Variants in GABRB2 observed in about 807,000 individuals in gnomAD.
GABRB2 encodes gamma-aminobutyric acid type A receptor subunit beta2.
A neutral mutation model predicts 54.7 loss-of-function variants in GABRB2; 16 were observed. The ratio of observed to expected loss-of-function variants is 0.29; its 90% CI spans 0.20 to 0.44. GABRB2 has a LOEUF of 0.44. GABRB2 is among the 20% of genes least tolerant of loss of function. The pLI, the probability that GABRB2 is intolerant of heterozygous loss-of-function variation, is 1.00. For missense variants in GABRB2, 355 were observed against 644.0 expected, an observed-to-expected ratio of 0.55 and a Z score of 4.86; for synonymous variants, 244 against 233.8, an observed-to-expected ratio of 1.04 and a Z score of -0.40.
In GABRB2 at chr5:161,490,788, C is replaced by T. The variant is rs572359754; in HGVS notation, c.238-30944G>A. 1.2e-4 allele frequency among the ~76,000 whole-genome samples: 18 copies of T among 151,846 alleles called. No homozygotes were observed. In the South Asian group the frequency reaches 2.9e-3, roughly 25 times the overall value. ...AGTGCCTCCTGGTGAACATTTTCTTCAAAACATTCTCTCAAACTATGCTTC... is the reference window on the plus strand; with the variant it reads ...AGTGCCTCCTGGTGAACATTTTCTTTAAAACATTCTCTCAAACTATGCTTC... On this transcript the variant is annotated intron_variant, in intron 3 of 9. Coordinates refer to ENST00000393959, the MANE Select transcript of GABRB2 (RefSeq NM_001371727.1).
rs1757180911 is a variant in GABRB2, at chr5:161,289,575, A to G, written c.*4506T>C. 2.0e-5 allele frequency: 3 copies of G among 152,078 alleles called. No homozygotes were observed. The highest frequency in any genetic ancestry group is 7.2e-5 in the African/African-American group (3 of 41,398). 9.4% of individuals were successfully genotyped at this position (152,078 alleles called of 1,614,324 possible). A position where few individuals can be genotyped will look rare whatever the true frequency, so the allele number is the denominator to read the frequency against. Reference sequence around the variant, plus strand: ...TGTAGTGCCATCTATACAAACTTTTACTGTTTGAAAACTGAGATTTAAGTT... The same window carrying G: ...TGTAGTGCCATCTATACAAACTTTTGCTGTTTGAAAACTGAGATTTAAGTT... On this transcript the variant is annotated 3_prime_UTR_variant, in exon 10 of 10. Coordinates refer to ENST00000393959, the MANE Select transcript of GABRB2 (RefSeq NM_001371727.1).
intron 5 of GABRB2, among the ~76,000 whole-genome samples, chr5:161,348,315 ATAAC>A (rs1263255467): frequency 6.6e-6 from 1 of 152,110 alleles, no homozygotes; most frequent in Non-Finnish European, 1.5e-5. Context: ...TTTATGAAGA[ATAAC>A]TATATTTTCT....
At chr5:161,347,878 TTTAC>T (rs1754364204) in intron 5 of GABRB2, among the ~76,000 whole-genome samples, 2 of 152,124 alleles carry the variant, frequency 1.3e-5, no homozygotes, top group African/African-American at 4.8e-5. Flanking sequence ...CATTGAATGA[TTTAC>T]ACATCTTTAG....
chr5:161,419,571 A>G (rs911915611), intron 4 of GABRB2, among the ~76,000 whole-genome samples: 1 of 152,260 alleles, frequency 6.6e-6, no homozygotes, highest in South Asian at 2.1e-4. Flanking sequence ...GTGTCCATCA[A>G]CAAATGACTG....
chr5:161,439,417 G>GA (rs984959071), intron 4 of GABRB2, among the ~76,000 whole-genome samples: 5 of 151,780 alleles, frequency 3.3e-5, no homozygotes, highest in East Asian at 1.9e-4. Flanking sequence ...ACTTCCATCA[G>GA]AAAAAAGGCC....
chr5:161,477,233 T>G (rs1463566798), intron 3 of GABRB2, among the ~76,000 whole-genome samples: 1 of 147,958 alleles, frequency 6.8e-6, no homozygotes, highest in African/African-American at 2.5e-5. Flanking sequence ...CAATGAGATA[T>G]CTATCACTTT....
chr5:161,331,155 A>G, intron 7 of GABRB2, 28 bp from the exon 8 acceptor site: 1 of 1,519,002 alleles, frequency 6.6e-7, no homozygotes, highest in Non-Finnish European at 8.8e-7. Context: ...AGTTAGAGTA[A>G]TAATGTTCCT....
chr5:161,294,944 A>AATTTC, intron 9 of GABRB2, among the ~76,000 whole-genome samples: 1 of 152,290 alleles, frequency 6.6e-6, no homozygotes, highest in African/African-American at 2.4e-5. Context: ...TTTTGGATAC[A>AATTTC]ATTTCATCTA....
At chr5:161,401,742 A>C (rs1318813450) in intron 5 of GABRB2, among the ~76,000 whole-genome samples, 1 of 152,324 alleles carries the variant, frequency 6.6e-6, no homozygotes, top group East Asian at 1.9e-4. Flanking sequence ...GTTTAAGTAG[A>C]AAATTTCCTA....
intron 3 of GABRB2, among the ~76,000 whole-genome samples, chr5:161,501,206 T>C (rs1051338170): frequency 6.6e-6 from 1 of 151,902 alleles, no homozygotes; most frequent in African/African-American, 2.4e-5. Context: ...AAGAAAAAAA[T>C]CACAAAGAGC....
In GABRB2 at chr5:161,390,165, G is replaced by A. The variant is rs115217871; in HGVS notation, c.541+20810C>T. 1.1e-3 allele frequency among the ~76,000 whole-genome samples: 160 copies of A among 151,990 alleles called. 1 individual carries two copies. The highest frequency in any genetic ancestry group is 3.6e-3 in the African/African-American group (148 of 41,492). On this transcript the variant is annotated intron_variant, in intron 5 of 9. Coordinates refer to ENST00000393959, the MANE Select transcript of GABRB2 (RefSeq NM_001371727.1). ...GTTTAATCATGTTGACCTTTACGTG[G>A]CCAAATGTAAATATCTCAGTGTAGC...
chr5:161,496,466 T>G (rs1165373198), intron 3 of GABRB2, among the ~76,000 whole-genome samples: 1 of 151,438 alleles, frequency 6.6e-6, no homozygotes, highest in Admixed American at 6.6e-5. Flanking sequence ...ATGTTATACA[T>G]GATAAATATA....
intron 4 of GABRB2, among the ~76,000 whole-genome samples, chr5:161,413,083 G>T (rs1344389593): frequency 1.3e-5 from 2 of 152,018 alleles, no homozygotes; most frequent in Non-Finnish European, 2.9e-5. Flanking sequence ...TGTTTTATAA[G>T]AATCTGTCTT....
At chr5:161,366,068 C>T (rs1470172229) in intron 5 of GABRB2, among the ~76,000 whole-genome samples, 2 of 149,688 alleles carry the variant, frequency 1.3e-5, no homozygotes, top group South Asian at 4.3e-4. Flanking sequence ...GTATGAACTC[C>T]GTAAAGCCAG....
Position 161,293,853 on chromosome 5 carries a change from G to A in GABRB2, c.*228C>T, listed in dbSNP as rs1757300962. On this transcript the variant is annotated 3_prime_UTR_variant, in exon 10 of 10. Coordinates refer to ENST00000393959, the MANE Select transcript of GABRB2 (RefSeq NM_001371727.1). ...AGCACTCAGGCTGTCTAGCCACCAT[G>A]TGTAAAAATCACTTGCGTTTTAACT... 3.8e-6 allele frequency: 2 copies of A among 526,510 alleles called. No homozygotes were observed. The highest frequency in any genetic ancestry group is 6.8e-6 in the Non-Finnish European group (2 of 294,138). The allele number at this position is 526,510 out of a possible 1,614,324, so 32.6% of individuals were successfully genotyped here.
intron 4 of GABRB2, among the ~76,000 whole-genome samples, chr5:161,429,186 A>C (rs1292767706): frequency 6.6e-6 from 1 of 150,908 alleles, no homozygotes; most frequent in Non-Finnish European, 1.5e-5. Flanking sequence ...ATCTCTACTA[A>C]AAATACAAAA....
chr5:161,545,559 C>T (rs533187766), intron 2 of GABRB2, among the ~76,000 whole-genome samples: 1 of 152,076 alleles, frequency 6.6e-6, no homozygotes, highest in East Asian at 1.9e-4. Context: ...TATGTCTCAG[C>T]ATGTGAATGC....
intron 5 of GABRB2, among the ~76,000 whole-genome samples, chr5:161,387,654 A>G (rs184771788): frequency 1.3e-5 from 2 of 152,302 alleles, no homozygotes; most frequent in Non-Finnish European, 2.9e-5. Flanking sequence ...AATAAATCCC[A>G]TGTAATAGAT....
At chr5:161,399,058 T>C (rs1404169953) in intron 5 of GABRB2, among the ~76,000 whole-genome samples, 1 of 152,160 alleles carries the variant, frequency 6.6e-6, no homozygotes, top group African/African-American at 2.4e-5. Context: ...TGGAGGTGGG[T>C]TCTGTCTCAT....
Sources: allele counts gnomAD v4.1 joint callset (sites outside exome capture counted in the v4.1 genomes callset), GRCh38; gene constraint gnomAD v4.1.1; transcripts MANE v1.5; gene names NCBI Gene and HGNC (gene_info 2026-07-23, HGNC 2026-07-21).